Variants in CBFA2T3 observed in about 807,000 individuals in gnomAD.
CBFA2T3 encodes CBFA2/RUNX1 partner transcriptional co-repressor 3, also known as transcriptional corepressor CBFA2T3.
In CBFA2T3, 31 loss-of-function variants were observed where a neutral mutation model predicts 58.6. The observed-to-expected ratio is 0.53, with a 90% CI of 0.40 to 0.71. The LOEUF is 0.71. Among genes scored for constraint, CBFA2T3 ranks in the 30% least tolerant of loss-of-function variants. The pLI is 0.00. For synonymous variants in CBFA2T3, 531 were observed against 421.9 expected, an observed-to-expected ratio of 1.26 and a Z score of -3.17; for missense variants, 1,076 against 963.1, an observed-to-expected ratio of 1.12 and a Z score of -1.55.
intron 1 of CBFA2T3, among the ~76,000 whole-genome samples, chr16:88,907,298 C>T (rs1970371439): frequency 6.6e-6 from 1 of 152,038 alleles, no homozygotes. Flanking sequence ...CCCACCCTGG[C>T]TATCCTCCTG....
chr16:88,968,646 T>C (rs1038319026), intron 1 of CBFA2T3, among the ~76,000 whole-genome samples: 1 of 152,068 alleles, frequency 6.6e-6, no homozygotes, highest in African/African-American at 2.4e-5. Flanking sequence ...CGGCTGTCCG[T>C]CCCCCGCCTG....
At position 88,881,279 on chromosome 16, in the gene CBFA2T3, C is replaced by T. The variant is rs1213369673; in HGVS notation, c.1402+12G>A. 3 of 1,595,282 alleles carry T rather than the reference C, an allele frequency of 1.9e-6. No individual in the cohort carries two copies. Among genetic ancestry groups the T allele is most frequent in the East Asian group, 4.5e-5 (2 of 44,646 alleles). On this transcript the variant is annotated intron_variant, in intron 9 of 11. Coordinates refer to ENST00000268679, the MANE Select transcript of CBFA2T3 (RefSeq NM_005187.6). ...CCCGTGTCTGCTCCCTCCCCCCACACCCCACACGCACCTAGCTGAGGCCCT... is the reference window on the plus strand; with the variant it reads ...CCCGTGTCTGCTCCCTCCCCCCACATCCCACACGCACCTAGCTGAGGCCCT...
chr16:88,946,702 C>T (rs1286915050), intron 1 of CBFA2T3, among the ~76,000 whole-genome samples: 2 of 152,060 alleles, frequency 1.3e-5, no homozygotes, highest in African/African-American at 2.4e-5. Flanking sequence ...AGGCTGGTCT[C>T]GAACTCCTGA....
chr16:88,889,406 C>A (rs927278204), intron 5 of CBFA2T3, among the ~76,000 whole-genome samples: 1 of 2,042 alleles, frequency 4.9e-4, no homozygotes, highest in Non-Finnish European at 9.1e-4. Context: ...GAGGCAGGGG[C>A]GGGAGGGAGG....
intron 1 of CBFA2T3, among the ~76,000 whole-genome samples, chr16:88,961,288 T>C (rs1972347592): frequency 6.6e-6 from 1 of 152,172 alleles, no homozygotes; most frequent in South Asian, 2.1e-4. Context: ...CACACAGCAC[T>C]GGAGATTTCC....
chr16:88,897,090 G>A lies in CBFA2T3; in HGVS notation c.379+988C>T, dbSNP rs114261337. Among the ~76,000 whole-genome samples the A allele has an allele frequency of 6.3e-3, 964 of 152,334 alleles. 15 individuals carry two copies. The highest frequency in any genetic ancestry group is 0.022 in the African/African-American group (913 of 41,582). ...TGGTGGGGGGGTCAGATGCGACAGA[G>A]GCACCCTAACGCAGCCCCTCCTGTC... On this transcript the variant is annotated intron_variant, in intron 3 of 11. Coordinates refer to ENST00000268679, the MANE Select transcript of CBFA2T3 (RefSeq NM_005187.6).
intron 1 of CBFA2T3, among the ~76,000 whole-genome samples, chr16:88,962,852 C>T (rs1057099366): frequency 2.6e-5 from 4 of 152,222 alleles, no homozygotes; most frequent in African/African-American, 9.6e-5. Flanking sequence ...GGCTTCTGAG[C>T]ACCGACATGA....
chr16:88,885,637 G>A lies in CBFA2T3; in HGVS notation c.893+324C>T, dbSNP rs190094855. On this transcript the variant is annotated intron_variant, in intron 6 of 11. Coordinates refer to ENST00000268679, the MANE Select transcript of CBFA2T3 (RefSeq NM_005187.6). The surrounding 1 kb of genome is among the most constrained non-coding windows in gnomAD (Gnocchi z 5.3). ...AAGAGCGTCTGGGGCAGCAGAGGGG[G>A]CCCAGCCCAGGCACCTGGGGACCAT... The A allele has an allele frequency of 1.0e-4, 43 of 430,304 alleles. No individual in the cohort carries two copies. In the East Asian group the frequency reaches 1.7e-3, roughly 17 times the overall value. 26.7% of individuals were successfully genotyped at this position (430,304 alleles called of 1,614,324 possible). A position where few individuals can be genotyped will look rare whatever the true frequency, so the allele number is the denominator to read the frequency against.
chr16:88,943,209 G>A (rs928921630), intron 1 of CBFA2T3, among the ~76,000 whole-genome samples: 1 of 152,252 alleles, frequency 6.6e-6, no homozygotes, highest in East Asian at 1.9e-4. Flanking sequence ...CAGTCGGGTT[G>A]TGAGCTAAAC....
chr16:88,921,870 CT>C (rs1970933304), intron 1 of CBFA2T3, among the ~76,000 whole-genome samples: 1 of 152,240 alleles, frequency 6.6e-6, no homozygotes, highest in African/African-American at 2.4e-5. Flanking sequence ...CGTTCGCTTG[CT>C]TCATTAAATG....
At chr16:88,896,494 G>A (rs577338028) in intron 3 of CBFA2T3, among the ~76,000 whole-genome samples, 46 of 152,296 alleles carry the variant, frequency 3.0e-4, no homozygotes, top group South Asian at 2.7e-3. Context: ...CGAGCCCCTG[G>A]TCTCTCGCCT....
intron 1 of CBFA2T3, among the ~76,000 whole-genome samples, chr16:88,925,286 T>C (rs1268557692): frequency 6.6e-6 from 1 of 152,144 alleles, no homozygotes; most frequent in Non-Finnish European, 1.5e-5. Flanking sequence ...TGGTGGCAGC[T>C]GCTCGGGGGA....
intron 1 of CBFA2T3, chr16:88,951,442 T>G (rs1972070446): frequency 7.3e-6 from 3 of 409,514 alleles, no homozygotes; most frequent in Middle Eastern, 3.5e-4. Context: ...CCTTCTTTTC[T>G]GTTACCTGTA....
rs976381878 is a variant in CBFA2T3 at position 88,876,633 on chromosome 16, G to C, written c.*343C>G. On this transcript the variant is annotated 3_prime_UTR_variant, in exon 12 of 12. Transcript: ENST00000268679. ...AGACAGAGGGGGAGAGACAGACAGA[G>C]AGGAAAAGAGAGGTGGGCAGAGCCG... 22 of 310,842 alleles carry C rather than the reference G, an allele frequency of 7.1e-5. No homozygotes were observed. Among genetic ancestry groups the C allele is most frequent in the African/African-American group, 3.2e-4 (15 of 47,362 alleles). 19.3% of individuals were successfully genotyped at this position (310,842 alleles called of 1,614,324 possible).
intron 3 of CBFA2T3, among the ~76,000 whole-genome samples, chr16:88,896,474 C>G (rs573934683): frequency 2.6e-5 from 4 of 152,306 alleles, no homozygotes; most frequent in Admixed American, 2.6e-4. Context: ...GACGCTGACA[C>G]AGGATGCACC....
chr16:88,931,370 A>T (rs2142768501), intron 1 of CBFA2T3, among the ~76,000 whole-genome samples: 1 of 152,204 alleles, frequency 6.6e-6, no homozygotes, highest in Middle Eastern at 3.4e-3. Flanking sequence ...TCTTGCTGCA[A>T]ACAACCCCCT....
At chr16:88,934,809 G>A (rs567265481) in intron 1 of CBFA2T3, among the ~76,000 whole-genome samples, 2 of 152,282 alleles carry the variant, frequency 1.3e-5, no homozygotes, top group South Asian at 2.1e-4. Flanking sequence ...GCGCGATCTC[G>A]GCTCACTGCA....
In CBFA2T3 at chr16:88,882,402, T is replaced by G. The variant is rs1255763658; in HGVS notation, c.1203+274A>C. ...GTGTGCATGGGTATGGCTGTGTGTG[T>G]GGGTGTGGCTGTGTGTGTATGGCTG... On this transcript the variant is annotated intron_variant, in intron 8 of 11. Transcript: ENST00000268679. Among the ~76,000 whole-genome samples the G allele has an allele frequency of 5.4e-5, 8 of 147,048 alleles. No individual in the cohort carries two copies. The East Asian group carries it at 1.4e-3, about 26-fold the overall frequency.
chr16:88,927,390 C>G (rs959721104), intron 1 of CBFA2T3, among the ~76,000 whole-genome samples: 2 of 152,326 alleles, frequency 1.3e-5, no homozygotes, highest in South Asian at 4.1e-4. Flanking sequence ...AGATCCTCCT[C>G]GAGCCAGATC....
Sources: allele counts gnomAD v4.1 joint callset (sites outside exome capture counted in the v4.1 genomes callset), GRCh38; gene constraint gnomAD v4.1.1; non-coding constraint Gnocchi (gnomAD v3.1); transcripts MANE v1.5; gene names NCBI Gene and HGNC (gene_info 2026-07-23, HGNC 2026-07-21).